Variants in CBFA2T2 observed in about 807,000 individuals in gnomAD.
CBFA2T2 encodes the protein protein CBFA2T2.
CBFA2T2 carries 11 observed loss-of-function variants against 62.2 expected under a neutral mutation model. The observed-to-expected ratio is 0.18, with a 90% CI of 0.11 to 0.29. The LOEUF is 0.29. Ranked by LOEUF, CBFA2T2 falls within the 10% of genes least tolerant of loss-of-function variation. The pLI is 1.00. For synonymous variants in CBFA2T2, 295 were observed against 287.5 expected, an observed-to-expected ratio of 1.03 and a Z score of -0.27; for missense variants, 592 against 774.1, an observed-to-expected ratio of 0.76 and a Z score of 2.79.
chr20:33,629,821 A>AT lies in CBFA2T2; in HGVS notation c.1135_1136insT (p.Arg379MetfsTer5). ...TCGTGAAGAACTCAACTACTGGAAAAGACGGTACAATGAAAACACAGAGCT... is the reference window on the plus strand; with the variant it reads ...TCGTGAAGAACTCAACTACTGGAAAATGACGGTACAATGAAAACACAGAGCT... On this transcript the variant is annotated frameshift_variant, in exon 8 of 11. Transcript: ENST00000342704. LOFTEE classifies it high-confidence loss of function. 8 of 1,614,070 alleles carry AT rather than the reference A, an allele frequency of 5.0e-6. No individual in the cohort carries two copies. Among genetic ancestry groups the AT allele is most frequent in the Non-Finnish European group, 6.8e-6 (8 of 1,179,964 alleles).
chr20:33,574,079 A>C, intron 1 of CBFA2T2: 1 of 1,490,376 alleles, frequency 6.7e-7, no homozygotes, highest in South Asian at 1.2e-5. Context: ...AAGAGCCACC[A>C]TACCAGTTCC....
chr20:33,536,318 T>A (rs2012231424), intron 1 of CBFA2T2, among the ~76,000 whole-genome samples: 4 of 120,730 alleles, frequency 3.3e-5, no homozygotes, highest in South Asian at 2.9e-4. Flanking sequence ...CCCACCTCCC[T>A]CCCAGACGGG....
At chr20:33,594,500 G>A (rs562269226) in intron 1 of CBFA2T2, among the ~76,000 whole-genome samples, 2 of 152,226 alleles carry the variant, frequency 1.3e-5, no homozygotes, top group South Asian at 4.2e-4. Flanking sequence ...GATTACAGGT[G>A]TGAGCCACCG....
At chr20:33,512,904 C>T (rs2011535065) in intron 1 of CBFA2T2, among the ~76,000 whole-genome samples, 2 of 152,028 alleles carry the variant, frequency 1.3e-5, no homozygotes, top group African/African-American at 4.8e-5. Context: ...AGGCTCCTGC[C>T]ACCAAGCCCA....
chr20:33,562,976 C>T (rs1311215085), intron 1 of CBFA2T2, among the ~76,000 whole-genome samples: 3 of 152,136 alleles, frequency 2.0e-5, no homozygotes, highest in South Asian at 2.1e-4. Flanking sequence ...AGGTTTTCCA[C>T]GTTGGATTGT....
chr20:33,627,922 T>A (rs2016303313), intron 6 of CBFA2T2, among the ~76,000 whole-genome samples: 1 of 152,164 alleles, frequency 6.6e-6, no homozygotes, highest in South Asian at 2.1e-4. Flanking sequence ...ACCAAAAAAA[T>A]TTTTTTAAGT....
At chr20:33,505,483 A>G (rs2011386121) in intron 1 of CBFA2T2, among the ~76,000 whole-genome samples, 1 of 152,074 alleles carries the variant, frequency 6.6e-6, no homozygotes, top group African/African-American at 2.4e-5. Flanking sequence ...AAAATGGTTG[A>G]ATAGAAATAG....
chr20:33,617,109 G>A (rs549481665), intron 3 of CBFA2T2, among the ~76,000 whole-genome samples: 12 of 151,970 alleles, frequency 7.9e-5, no homozygotes, highest in South Asian at 2.1e-4. Context: ...GGTGGCTCAC[G>A]CCTGTAATCC....
intron 1 of CBFA2T2, among the ~76,000 whole-genome samples, chr20:33,492,407 C>G (rs1259204711): frequency 1.4e-5 from 2 of 142,188 alleles, no homozygotes; most frequent in South Asian, 2.2e-4. Context: ...AATAAACTTG[C>G]TTTCACTTAA....
chr20:33,513,436 T>C (rs905107951), intron 1 of CBFA2T2, among the ~76,000 whole-genome samples: 1 of 151,402 alleles, frequency 6.6e-6, no homozygotes, highest in Non-Finnish European at 1.5e-5. Flanking sequence ...ATCAGCTCAC[T>C]GCAACCTTCA....
intron 3 of CBFA2T2, chr20:33,618,570 G>A (rs1231738182): frequency 2.6e-5 from 4 of 152,096 alleles, no homozygotes; most frequent in Non-Finnish European, 5.9e-5. Context: ...GAGTTATTCT[G>A]GTATGCATAA....
chr20:33,616,443 T>C (rs1219948866), intron 3 of CBFA2T2, among the ~76,000 whole-genome samples: 2 of 152,176 alleles, frequency 1.3e-5, no homozygotes, highest in Non-Finnish European at 2.9e-5. Context: ...ATAAGTATGT[T>C]GTACCAATGT....
chr20:33,496,032 G>T (rs1460400375), intron 1 of CBFA2T2, among the ~76,000 whole-genome samples: 1 of 152,210 alleles, frequency 6.6e-6, no homozygotes, highest in Non-Finnish European at 1.5e-5. Context: ...CAAGTCAACA[G>T]GTAATGATAA....
chr20:33,506,060 A>G (rs564418593), intron 1 of CBFA2T2, among the ~76,000 whole-genome samples: 2 of 152,284 alleles, frequency 1.3e-5, no homozygotes, highest in East Asian at 3.9e-4. Context: ...ACTGCACTCC[A>G]ACCTAGGGGA....
At chr20:33,530,095 T>G (rs1351905927) in intron 1 of CBFA2T2, among the ~76,000 whole-genome samples, 1 of 151,964 alleles carries the variant, frequency 6.6e-6, no homozygotes, top group Non-Finnish European at 1.5e-5. Context: ...CCTATTTTAT[T>G]TTATTTTTTA....
At chr20:33,608,406 G>T (rs2122291484) in intron 2 of CBFA2T2, among the ~76,000 whole-genome samples, 1 of 152,206 alleles carries the variant, frequency 6.6e-6, no homozygotes, top group African/African-American at 2.4e-5. Context: ...AAAATTTTTT[G>T]TTTTTTGTGT....
At chr20:33,543,979 C>T (rs1242478488) in intron 1 of CBFA2T2, among the ~76,000 whole-genome samples, 1 of 152,108 alleles carries the variant, frequency 6.6e-6, no homozygotes, top group Non-Finnish European at 1.5e-5. Flanking sequence ...CATTCTTGTC[C>T]ATACCACTAG....
At chr20:33,566,435 A>G (rs1170112382) in intron 1 of CBFA2T2, among the ~76,000 whole-genome samples, 3 of 152,024 alleles carry the variant, frequency 2.0e-5, no homozygotes, top group African/African-American at 7.2e-5. Flanking sequence ...GCGAAACCCC[A>G]TCTCTACTAA....
At chr20:33,529,743 T>TTTTATATA (rs1163402861) in intron 1 of CBFA2T2, among the ~76,000 whole-genome samples, 194 of 4,008 alleles carry the variant, frequency 0.048, 5 homozygotes, top group African/African-American at 0.051. Context: ...AAGAAAGCAG[T>TTTTATATA]TATATATATA....
Sources: gnomAD v4.1 joint callset for allele counts (sites outside exome capture counted in the v4.1 genomes callset) on GRCh38, gnomAD v4.1.1 for gene constraint, MANE v1.5 for transcripts, NCBI Gene and HGNC (gene_info 2026-07-23, HGNC 2026-07-21) for gene names.